The following FMNL2 variants were observed in gnomAD, a reference collection of about 807,000 sequenced individuals.
FMNL2 encodes formin-like protein 2.
In FMNL2, 51 loss-of-function variants were observed where a neutral mutation model predicts 130.2. The observed-to-expected ratio is 0.39, with a 90% CI of 0.31 to 0.49. The LOEUF (loss-of-function observed/expected upper bound fraction) is 0.49. Ranked by LOEUF, FMNL2 falls within the 20% of genes least tolerant of loss-of-function variation. The probability of loss-of-function intolerance (pLI) is 0.85; values close to 1 mark genes in which losing one functional copy is unlikely to be tolerated. For missense variants in FMNL2, 977 were observed against 1,316.2 expected (o/e 0.74, Z 3.99); for synonymous variants, 465 against 467.1 (o/e 1.00, Z 0.06).
At chr2:152,594,943 T>C (rs73971903) in intron 9 of FMNL2, among the ~76,000 whole-genome samples, 3,986 of 152,316 alleles carry the variant, frequency 0.026, 189 homozygotes, top group African/African-American at 0.087. Flanking sequence ...TCAGTCACCC[T>C]TCATCTTGCA....
rs76745577 is a variant in FMNL2, at chr2:152,534,615, A to G, written c.202-8124A>G. ...AGATTTTGAACTCTGTTCTCTCCCA[A>G]CCCCTAATGTTTTATTTGTATGATA... On this transcript the variant is annotated intron_variant, in intron 2 of 25. Coordinates refer to ENST00000288670, the MANE Select transcript of FMNL2 (RefSeq NM_052905.4). Among the ~76,000 whole-genome samples the G allele has an allele frequency of 4.1e-5, 6 of 146,296 alleles. No homozygotes were observed. The East Asian group carries it at 1.2e-3, about 29-fold the overall frequency.
At chr2:152,399,876 A>C (rs1685593642) in intron 1 of FMNL2, among the ~76,000 whole-genome samples, 1 of 152,146 alleles carries the variant, frequency 6.6e-6, no homozygotes, top group African/African-American at 2.4e-5. Context: ...CTGGATGAAG[A>C]GTGCTGAGCA....
chr2:152,498,840 T>C (rs1423230350), intron 1 of FMNL2, among the ~76,000 whole-genome samples: 2 of 152,234 alleles, frequency 1.3e-5, no homozygotes, highest in African/African-American at 4.8e-5. Flanking sequence ...TTCAGAGACC[T>C]CACCATTCAT....
chr2:152,340,800 T>C (rs1190191601), intron 1 of FMNL2, among the ~76,000 whole-genome samples: 1 of 152,206 alleles, frequency 6.6e-6, no homozygotes, highest in Non-Finnish European at 1.5e-5. Context: ...CAAGTGATTC[T>C]CCTGCCTCAG....
chr2:152,484,020 C>T (rs1177112141), intron 1 of FMNL2, among the ~76,000 whole-genome samples: 1 of 152,210 alleles, frequency 6.6e-6, no homozygotes, highest in East Asian at 1.9e-4. Flanking sequence ...GAGATGGGAC[C>T]AGCTAATGGA....
At chr2:152,526,640 T>C (rs1331947938) in intron 2 of FMNL2, among the ~76,000 whole-genome samples, 1 of 152,218 alleles carries the variant, frequency 6.6e-6, no homozygotes, top group Non-Finnish European at 1.5e-5. Context: ...AATACTGTGG[T>C]ATGATTAAAT....
chr2:152,373,482 G>T (rs1683999145), intron 1 of FMNL2, among the ~76,000 whole-genome samples: 1 of 152,166 alleles, frequency 6.6e-6, no homozygotes, highest in African/African-American at 2.4e-5. Flanking sequence ...GGTTCTGGGG[G>T]ATTGGTCTCA....
At position 152,595,818 on chromosome 2, in the gene FMNL2, C is replaced by T. The variant is rs190933708; in HGVS notation, c.877-11521C>T. Among the ~76,000 whole-genome samples, 4 of 150,470 alleles carry T rather than the reference C, an allele frequency of 2.7e-5. No homozygotes were observed. In the East Asian group the frequency reaches 7.7e-4, roughly 29 times the overall value. Reference sequence around the variant, plus strand: ...TCACCTGGCTTTGGGAAAAGAACATCTTCTAGCCTTATAATGAGTCTAATG... The same window carrying T: ...TCACCTGGCTTTGGGAAAAGAACATTTTCTAGCCTTATAATGAGTCTAATG... On this transcript the variant is annotated intron_variant, in intron 9 of 25. Transcript: ENST00000288670.
intron 1 of FMNL2, among the ~76,000 whole-genome samples, chr2:152,467,271 C>T (rs978306990): frequency 2.0e-5 from 3 of 152,170 alleles, no homozygotes; most frequent in Admixed American, 6.5e-5. Context: ...TATTCCTCTA[C>T]GTGCTGAACC....
At chr2:152,593,655 G>A (rs1697556262) in intron 9 of FMNL2, among the ~76,000 whole-genome samples, 1 of 152,294 alleles carries the variant, frequency 6.6e-6, no homozygotes, top group East Asian at 1.9e-4. Context: ...TACACTTAAT[G>A]AAGAGGAAAG....
intron 1 of FMNL2, among the ~76,000 whole-genome samples, chr2:152,338,869 T>TTG (rs969213804): frequency 9.6e-6 from 1 of 104,386 alleles, no homozygotes; most frequent in Non-Finnish European, 2.3e-5. Flanking sequence ...GCATATGCCT[T>TTG]TGTGTGTGTG....
chr2:152,629,212 A>C (rs1682002261), intron 18 of FMNL2, among the ~76,000 whole-genome samples: 3 of 152,170 alleles, frequency 2.0e-5, no homozygotes. Flanking sequence ...TCTGTTGAAA[A>C]CATGTTCTGA....
rs751901084 is a variant in FMNL2 at position 152,335,578 on chromosome 2, G to A, written c.-26G>A. The A allele has an allele frequency of 6.4e-7, 1 of 1,568,712 alleles. No individual in the cohort carries two copies. The highest frequency in any genetic ancestry group is 8.7e-7 in the Non-Finnish European group (1 of 1,154,316). ...ACGCGCACGCTAGGGGCCCGGAGCA[G>A]CCCCCGGCCCCGGCGCGCCGCCGAC... On this transcript the variant is annotated 5_prime_UTR_variant, in exon 1 of 26. Transcript: ENST00000288670.
At chr2:152,512,079 A>G (rs979110904) in intron 1 of FMNL2, among the ~76,000 whole-genome samples, 1 of 152,166 alleles carries the variant, frequency 6.6e-6, no homozygotes, top group African/African-American at 2.4e-5. Context: ...TTGTCTAATC[A>G]TTGCCCATGA....
chr2:152,514,507 C>T (rs79400510), intron 1 of FMNL2, among the ~76,000 whole-genome samples: 2,961 of 152,186 alleles, frequency 0.019, 29 homozygotes, highest in South Asian at 0.057. Flanking sequence ...GAGTACTTTC[C>T]GTGTACTTAC....
At chr2:152,479,718 G>GTTTTTTTTTT (rs749726414) in intron 1 of FMNL2, among the ~76,000 whole-genome samples, 1 of 96,734 alleles carries the variant, frequency 1.0e-5, no homozygotes. Flanking sequence ...GTTGTGGGTT[G>GTTTTTTTTTT]TTTTTTTTTT....
intron 1 of FMNL2, among the ~76,000 whole-genome samples, chr2:152,408,507 G>A (rs1686119259): frequency 6.6e-6 from 1 of 152,118 alleles, no homozygotes; most frequent in Admixed American, 6.5e-5. Context: ...CTATAGCAGA[G>A]ATTAAATGAA....
intron 8 of FMNL2, 131 bp from the exon 9 acceptor site, chr2:152,580,825 C>A: frequency 1.3e-6 from 1 of 763,614 alleles, no homozygotes. Flanking sequence ...TTTGATTAAA[C>A]TGTACCTTAG....
intron 1 of FMNL2, among the ~76,000 whole-genome samples, chr2:152,464,072 A>T (rs1283778342): frequency 6.6e-6 from 1 of 152,128 alleles, no homozygotes. Context: ...AGCTGGGTTT[A>T]CAGGCATATG....
Sources: allele counts gnomAD v4.1 joint callset (sites outside exome capture counted in the v4.1 genomes callset), GRCh38; gene constraint gnomAD v4.1.1; transcripts MANE v1.5; gene names NCBI Gene and HGNC (gene_info 2026-07-23, HGNC 2026-07-21).